SNTG2: variants seen among roughly 807,000 people sequenced by gnomAD.
The protein encoded by SNTG2 is gamma-2-syntrophin.
In SNTG2, 74 loss-of-function variants were observed where a neutral mutation model predicts 70.9. The ratio of observed to expected loss-of-function variants is 1.04; its 90% CI spans 0.86 to 1.27. SNTG2 has a LOEUF of 1.27. Ranked by LOEUF, SNTG2 falls within the 50% of genes most tolerant of loss-of-function variation. SNTG2 has a pLI of 0.00. For synonymous variants in SNTG2, 278 were observed against 273.8 expected (o/e 1.02, Z -0.15); for missense variants, 717 against 690.7 (o/e 1.04, Z -0.43).
chr2:1,033,052 G>A (rs189105756), intron 1 of SNTG2, among the ~76,000 whole-genome samples: 9 of 152,224 alleles, frequency 5.9e-5, no homozygotes, highest in Non-Finnish European at 1.0e-4. Context: ...CATCTTGAGA[G>A]GACTCACTCA....
At chr2:1,068,329 C>T (rs1050063923) in intron 1 of SNTG2, 6 of 152,034 alleles carry the variant, frequency 3.9e-5, no homozygotes, top group African/African-American at 9.7e-5. Flanking sequence ...TCCTCGGATC[C>T]GTTGAGTTTT....
chr2:1,221,999 C>A (rs1553362010), intron 9 of SNTG2, among the ~76,000 whole-genome samples: 1 of 79,244 alleles, frequency 1.3e-5, no homozygotes, highest in Non-Finnish European at 2.7e-5. Flanking sequence ...GTCTCTGTCT[C>A]TGTCTCTCTC....
Position 1,097,610 on chromosome 2 carries a change from TA to T in SNTG2, c.211-585del, listed in dbSNP as rs1405500375. Among the ~76,000 whole-genome samples, 1 of 152,180 alleles carries T rather than the reference TA, an allele frequency of 6.6e-6. No homozygotes were observed. Among genetic ancestry groups the T allele is most frequent in the Non-Finnish European group, 1.5e-5 (1 of 68,028 alleles). ...ATGCGCAAGAGATTTGGAGATTTTT[TA>T]CCATTTCACTAGCCAGTTAAAGGCC... On this transcript the variant is annotated intron_variant, in intron 2 of 16. Coordinates refer to ENST00000308624, the MANE Select transcript of SNTG2 (RefSeq NM_018968.4). The surrounding 1 kb of genome is among the most constrained non-coding windows in gnomAD (Gnocchi z 4.1).
chr2:1,274,554 C>T (rs7581189), intron 14 of SNTG2, among the ~76,000 whole-genome samples: 45,872 of 151,042 alleles, frequency 0.3, 7,896 homozygotes, highest in African/African-American at 0.47. Context: ...TGGTGTCACA[C>T]CTAAGAACTT....
chr2:957,456 A>T (rs867842463), intron 1 of SNTG2, among the ~76,000 whole-genome samples: 2 of 152,134 alleles, frequency 1.3e-5, no homozygotes, highest in Non-Finnish European at 2.9e-5. Flanking sequence ...CACCTTACGT[A>T]CGTGCAGACA....
chr2:1,295,569 A>C lies in SNTG2; in HGVS notation c.1285-12925A>C, dbSNP rs193102696. On this transcript the variant is annotated intron_variant, in intron 14 of 16. Coordinates refer to ENST00000308624, the MANE Select transcript of SNTG2 (RefSeq NM_018968.4). ...GACAGCCGTAGAGGACTGAGTCTCC[A>C]ATGTTTGGGTGGGAGGGGCAGGCAG... 4.5e-3 allele frequency among the ~76,000 whole-genome samples: 681 copies of C among 152,192 alleles called. 6 individuals carry two copies. The highest frequency in any genetic ancestry group is 0.015 in the African/African-American group (639 of 41,534).
intron 14 of SNTG2, among the ~76,000 whole-genome samples, chr2:1,292,592 TTA>T (rs1328740992): frequency 2.0e-5 from 3 of 152,218 alleles, no homozygotes; most frequent in African/African-American, 7.2e-5. Context: ...TTTGCATCTA[TTA>T]AGATGATACA....
chr2:1,198,849 C>T (rs1456563298), intron 8 of SNTG2, among the ~76,000 whole-genome samples: 1 of 151,776 alleles, frequency 6.6e-6, no homozygotes, highest in Non-Finnish European at 1.5e-5. Context: ...AAGTCTAAAA[C>T]CTGAATAGAC....
At chr2:1,182,360 C>CAAAAAAAAAAAAAAAAAT (rs1671966248) in intron 8 of SNTG2, among the ~76,000 whole-genome samples, 1 of 122,058 alleles carries the variant, frequency 8.2e-6, no homozygotes, top group African/African-American at 3.3e-5. Context: ...TTAAAAATTT[C>CAAAAAAAAAAAAAAAAAT]AAAAAAAAAA....
intron 6 of SNTG2, among the ~76,000 whole-genome samples, chr2:1,158,786 G>A (rs766393849): frequency 2.6e-5 from 4 of 152,170 alleles, no homozygotes; most frequent in South Asian, 2.1e-4. Flanking sequence ...GAGCGCTGTC[G>A]TTGCCAATCG....
intron 1 of SNTG2, among the ~76,000 whole-genome samples, chr2:987,492 A>T (rs1199976869): frequency 1.3e-5 from 2 of 151,664 alleles, no homozygotes; most frequent in Non-Finnish European, 2.9e-5. Context: ...GCGTCAGAGG[A>T]GAGGTGAGGA....
intron 9 of SNTG2, among the ~76,000 whole-genome samples, chr2:1,228,829 C>T (rs537775000): frequency 2.6e-5 from 4 of 152,208 alleles, no homozygotes; most frequent in South Asian, 2.1e-4. Context: ...CTTAGGGCAG[C>T]GCGTCTGGAG....
At chr2:1,122,099 A>T (rs1427104429) in intron 4 of SNTG2, among the ~76,000 whole-genome samples, 1 of 152,234 alleles carries the variant, frequency 6.6e-6, no homozygotes, top group East Asian at 1.9e-4. Context: ...AAATAGGGAC[A>T]TAGAAAAAGT....
intron 8 of SNTG2, among the ~76,000 whole-genome samples, chr2:1,193,649 T>C (rs1672733280): frequency 6.6e-6 from 1 of 152,190 alleles, no homozygotes; most frequent in African/African-American, 2.4e-5. Flanking sequence ...TGGGTTTCCA[T>C]TTCTTTTCAG....
At chr2:1,077,540 T>C (rs1432873413) in intron 1 of SNTG2, among the ~76,000 whole-genome samples, 3 of 152,216 alleles carry the variant, frequency 2.0e-5, no homozygotes, top group Non-Finnish European at 2.9e-5. Flanking sequence ...TGAGGCTCCA[T>C]GAACCCCGGG....
chr2:1,282,820 C>CCACT (rs1679609554), intron 14 of SNTG2, among the ~76,000 whole-genome samples: 1 of 147,776 alleles, frequency 6.8e-6, no homozygotes, highest in Non-Finnish European at 1.5e-5. Context: ...TTGACTGATA[C>CCACT]GATAAGTAGA....
At chr2:1,124,035 T>C (rs1667543546) in intron 4 of SNTG2, among the ~76,000 whole-genome samples, 1 of 46,728 alleles carries the variant, frequency 2.1e-5, no homozygotes, top group African/African-American at 1.3e-4. Flanking sequence ...GCAGGAAGAA[T>C]TTTTTTTAAG....
At chr2:997,824 TACC>T (rs1322165214) in intron 1 of SNTG2, among the ~76,000 whole-genome samples, 1 of 152,178 alleles carries the variant, frequency 6.6e-6, no homozygotes, top group African/African-American at 2.4e-5. Context: ...ACCCTTCTGC[TACC>T]ACCACAACTG....
chr2:1,023,455 ATGT>A (rs1268943677), intron 1 of SNTG2, among the ~76,000 whole-genome samples: 7 of 152,060 alleles, frequency 4.6e-5, no homozygotes, highest in African/African-American at 9.7e-5. Context: ...CAAATAGTTG[ATGT>A]TGTCTTTATT....
Sources: gnomAD v4.1 joint callset for allele counts (sites outside exome capture counted in the v4.1 genomes callset) on GRCh38, gnomAD v4.1.1 for gene constraint, Gnocchi (gnomAD v3.1) non-coding constraint, MANE v1.5 for transcripts, NCBI Gene and HGNC (gene_info 2026-07-23, HGNC 2026-07-21) for gene names.